The following RXFP1 variants were observed in gnomAD, a reference collection of about 807,000 sequenced individuals.
The protein encoded by RXFP1 is relaxin family peptide receptor 1.
In RXFP1, 73 loss-of-function variants were observed where a neutral mutation model predicts 89.8. The observed-to-expected ratio is 0.81, with a 90% CI of 0.67 to 0.99. The LOEUF is 0.99. Ranked by LOEUF, RXFP1 falls within the 50% of genes least tolerant of loss-of-function variation. The pLI is 0.00. For missense variants in RXFP1, 793 were observed against 895.5 expected (o/e 0.89, Z 1.46); for synonymous variants, 277 against 305.5 (o/e 0.91, Z 0.97).
At chr4:158,573,293 C>A (rs1436192108) in intron 2 of RXFP1, among the ~76,000 whole-genome samples, 1 of 152,178 alleles carries the variant, frequency 6.6e-6, no homozygotes, top group Admixed American at 6.5e-5. Context: ...CAGGCATGAG[C>A]CACCGTGCCC....
chr4:158,632,798 A>C (rs1768337409), intron 11 of RXFP1, among the ~76,000 whole-genome samples: 1 of 152,216 alleles, frequency 6.6e-6, no homozygotes, highest in Non-Finnish European at 1.5e-5. Flanking sequence ...CCATGCATCT[A>C]TTCTAACACA....
intron 14 of RXFP1, among the ~76,000 whole-genome samples, chr4:158,639,532 G>T (rs559292828): frequency 6.6e-6 from 1 of 152,266 alleles, no homozygotes; most frequent in African/African-American, 2.4e-5. Flanking sequence ...GAGGTGACTA[G>T]GTCATGAGGA....
chr4:158,531,561 G>C (rs1288118940), intron 1 of RXFP1, among the ~76,000 whole-genome samples: 1 of 152,176 alleles, frequency 6.6e-6, no homozygotes, highest in African/African-American at 2.4e-5. Context: ...ACAGGGTTGT[G>C]GAGGGCTTCA....
intron 9 of RXFP1, among the ~76,000 whole-genome samples, chr4:158,620,578 C>A (rs552493976): frequency 1.5e-3 from 230 of 152,148 alleles, no homozygotes; most frequent in African/African-American, 5.3e-3. Context: ...ACATTATACA[C>A]TGTAAAACAA....
At chr4:158,650,530 A>T (rs1772491707) in intron 17 of RXFP1, among the ~76,000 whole-genome samples, 1 of 151,666 alleles carries the variant, frequency 6.6e-6, no homozygotes, top group Non-Finnish European at 1.5e-5. Flanking sequence ...GCACTTTGGG[A>T]GGCTGAGGTG....
chr4:158,577,767 A>T (rs1756546963), intron 2 of RXFP1, among the ~76,000 whole-genome samples: 1 of 152,168 alleles, frequency 6.6e-6, no homozygotes, highest in African/African-American at 2.4e-5. Context: ...CTGAGTCTCT[A>T]TATTTGAACT....
At position 158,592,639 on chromosome 4, in the gene RXFP1, C is replaced by T. The variant is rs573536849; in HGVS notation, c.188-762C>T. ...TCATGGCTGTCTAGCCATGTTTATACATCTCCAACATCAGTTTTAGAGATT... is the reference window on the plus strand; with the variant it reads ...TCATGGCTGTCTAGCCATGTTTATATATCTCCAACATCAGTTTTAGAGATT... On this transcript the variant is annotated intron_variant, in intron 2 of 17. Coordinates refer to ENST00000307765, the MANE Select transcript of RXFP1 (RefSeq NM_021634.4). Among the ~76,000 whole-genome samples, 6 of 152,274 alleles carry T rather than the reference C, an allele frequency of 3.9e-5. No homozygotes were observed. In the South Asian group the frequency reaches 1.0e-3, roughly 26 times the overall value.
chr4:158,576,654 G>A (rs1222012059), intron 2 of RXFP1, among the ~76,000 whole-genome samples: 1 of 152,050 alleles, frequency 6.6e-6, no homozygotes, highest in African/African-American at 2.4e-5. Context: ...TGGTACACAA[G>A]CATTCTAACT....
chr4:158,628,771 C>A, intron 11 of RXFP1, 62 bp downstream of exon 11: 5 of 846,652 alleles, frequency 5.9e-6, no homozygotes, highest in Admixed American at 2.5e-5. Context: ...CACACTTGTA[C>A]TTACATGTGT....
intron 1 of RXFP1, among the ~76,000 whole-genome samples, chr4:158,543,073 A>G (rs937056099): frequency 2.6e-5 from 4 of 152,132 alleles, no homozygotes; most frequent in Non-Finnish European, 4.4e-5. Context: ...GAGTTTACTT[A>G]TATAATAAAC....
chr4:158,590,718 A>G (rs1759278287), intron 2 of RXFP1, among the ~76,000 whole-genome samples: 1 of 152,218 alleles, frequency 6.6e-6, no homozygotes, highest in Non-Finnish European at 1.5e-5. Context: ...ATCGGAATAG[A>G]TAACCCATCC....
intron 4 of RXFP1, among the ~76,000 whole-genome samples, chr4:158,599,819 AT>A (rs1310882941): frequency 2.0e-5 from 3 of 152,226 alleles, no homozygotes; most frequent in Non-Finnish European, 4.4e-5. Context: ...TTGGACCCAA[AT>A]TTTAATATAA....
intron 1 of RXFP1, among the ~76,000 whole-genome samples, chr4:158,562,243 C>T (rs1032852716): frequency 1.4e-4 from 22 of 152,092 alleles, no homozygotes; most frequent in Admixed American, 1.4e-3. Context: ...TCTCTATATT[C>T]TAAAATTTAT....
intron 16 of RXFP1, 49 bp downstream of exon 16, chr4:158,647,250 C>T (rs1274442518): frequency 6.2e-6 from 9 of 1,440,876 alleles, no homozygotes; most frequent in Non-Finnish European, 8.4e-6. Flanking sequence ...TCAAATCTTC[C>T]AACCAGTTTT....
rs575231446 is a variant in RXFP1 at position 158,566,936 on chromosome 4, G to T, written c.50-5762G>T. On this transcript the variant is annotated intron_variant, in intron 1 of 17. Coordinates refer to ENST00000307765, the MANE Select transcript of RXFP1 (RefSeq NM_021634.4). ...GCCGGCTCCCTCAGCTTGCGGGGAGGTGTGGAGGGAGAGGGGCAGGCAGGA... is the reference window on the plus strand; with the variant it reads ...GCCGGCTCCCTCAGCTTGCGGGGAGTTGTGGAGGGAGAGGGGCAGGCAGGA... 3.7e-3 allele frequency among the ~76,000 whole-genome samples: 570 copies of T among 152,336 alleles called. 1 individual carries two copies. Among genetic ancestry groups the T allele is most frequent in the Middle Eastern group, 6.8e-3 (2 of 294 alleles).
rs768002790 is a variant in RXFP1 at position 158,599,328 on chromosome 4, G to A, written c.289G>A (p.Val97Ile). 1.2e-6 allele frequency: 2 copies of A among 1,613,748 alleles called. No individual in the cohort carries two copies. Reference protein sequence around the residue: ...PFEAETPECLVGSVPVQCLCQ... With the variant: ...PFEAETPECLIGSVPVQCLCQ... ...CTTACCACTTCCCCTTGATTCAGTG[G>A]TCGGTTCTGTGCCAGTGCAATGTCT... Residue 97 changes from valine to isoleucine, a missense_variant and splice_region_variant, in exon 4 of 18, where the codon GTC (valine) becomes ATC (isoleucine). Coordinates refer to ENST00000307765, the MANE Select transcript of RXFP1 (RefSeq NM_021634.4).
At chr4:158,565,777 T>G (rs564175580) in intron 1 of RXFP1, among the ~76,000 whole-genome samples, 2 of 152,192 alleles carry the variant, frequency 1.3e-5, no homozygotes, top group Non-Finnish European at 2.9e-5. Context: ...AACACTTTGA[T>G]GAGGAAAGGG....
chr4:158,534,199 G>A (rs954816773), intron 1 of RXFP1, among the ~76,000 whole-genome samples: 2 of 150,746 alleles, frequency 1.3e-5, no homozygotes, highest in Non-Finnish European at 1.5e-5. Flanking sequence ...TTTATTCCAT[G>A]TACTTAGATA....
chr4:158,607,035 T>C, intron 5 of RXFP1: 3 of 1,525,646 alleles, frequency 2.0e-6, no homozygotes, highest in South Asian at 1.2e-5. Flanking sequence ...ACAAATTGCA[T>C]ATAAACTTTC....
Sources: gnomAD v4.1 joint callset for allele counts (sites outside exome capture counted in the v4.1 genomes callset) on GRCh38, gnomAD v4.1.1 for gene constraint, MANE v1.5 for transcripts, NCBI Gene and HGNC (gene_info 2026-07-23, HGNC 2026-07-21) for gene names.